DLGAP1: variants seen among roughly 807,000 people sequenced by gnomAD.
DLGAP1 encodes disks large-associated protein 1.
In DLGAP1, 11 loss-of-function variants were observed where a neutral mutation model predicts 90.8. The ratio of observed to expected loss-of-function variants is 0.12; its 90% CI spans 0.08 to 0.20. The LOEUF (loss-of-function observed/expected upper bound fraction) is 0.20. DLGAP1 is among the 10% of genes least tolerant of loss of function. The probability of loss-of-function intolerance (pLI) is 1.00; values close to 1 mark genes in which losing one functional copy is unlikely to be tolerated. For missense variants in DLGAP1, 1,050 were observed against 1,333.8 expected (o/e 0.79, Z 3.31); for synonymous variants, 558 against 540.7 (o/e 1.03, Z -0.44).
chr18:3,804,199 G>C (rs2066459410), intron 5 of DLGAP1, among the ~76,000 whole-genome samples: 1 of 151,990 alleles, frequency 6.6e-6, no homozygotes, highest in Non-Finnish European at 1.5e-5. Context: ...TGGTCAGGCT[G>C]GTCTTGAGCT....
At chr18:4,190,243 A>C (rs1457846481) in intron 1 of DLGAP1, among the ~76,000 whole-genome samples, 1 of 152,130 alleles carries the variant, frequency 6.6e-6, no homozygotes, top group Non-Finnish European at 1.5e-5. Context: ...ACATATTATG[A>C]AGTGGAAGAA....
chr18:3,991,188 A>C (rs570481568), intron 3 of DLGAP1, among the ~76,000 whole-genome samples: 1 of 152,172 alleles, frequency 6.6e-6, no homozygotes, highest in Non-Finnish European at 1.5e-5. Context: ...AAAACAAAAA[A>C]CAAAAGACCT....
chr18:3,585,223 G>A (rs192529328), intron 7 of DLGAP1, among the ~76,000 whole-genome samples: 1 of 152,346 alleles, frequency 6.6e-6, no homozygotes, highest in Non-Finnish European at 1.5e-5. Context: ...CCACAGCTAA[G>A]CCTCTGGCTA....
At chr18:3,995,317 G>A (rs2074046875) in intron 3 of DLGAP1, 1 of 152,038 alleles carries the variant, frequency 6.6e-6, no homozygotes. Context: ...GAAAATAGAA[G>A]GAATGGTGGA....
chr18:4,171,184 A>G (rs960038545), intron 1 of DLGAP1, among the ~76,000 whole-genome samples: 4 of 152,176 alleles, frequency 2.6e-5, no homozygotes, highest in African/African-American at 9.7e-5. Flanking sequence ...TCTTAAAATC[A>G]ATGTTAAATG....
At chr18:4,323,273 T>C (rs960735885) in intron 1 of DLGAP1, among the ~76,000 whole-genome samples, 3 of 152,078 alleles carry the variant, frequency 2.0e-5, no homozygotes, top group Non-Finnish European at 4.4e-5. Context: ...GGGTCTTATC[T>C]AAAAGACAAA....
chr18:4,069,391 G>A (rs1347296736), intron 2 of DLGAP1, among the ~76,000 whole-genome samples: 3 of 152,098 alleles, frequency 2.0e-5, no homozygotes, highest in African/African-American at 4.8e-5. Flanking sequence ...TGACTGATAC[G>A]GTTTGGATGT....
rs376062174 is a variant in DLGAP1 at position 3,844,176 on chromosome 18, AT to A, written c.958-29904del. On this transcript the variant is annotated intron_variant, in intron 4 of 12. Coordinates refer to ENST00000315677, the MANE Select transcript of DLGAP1 (RefSeq NM_004746.4). The stretch of plus-strand genomic sequence containing the variant: ...GAGGAACATTTTCTATTTCTCCAAT[AT>A]TTCCCACATGCTTTGGCTGTTTTTG... Among the ~76,000 whole-genome samples, 52 of 152,284 alleles carry A rather than the reference AT, an allele frequency of 3.4e-4. No individual in the cohort carries two copies. In the South Asian group the frequency reaches 0.01, roughly 30 times the overall value.
At chr18:3,587,683 C>A (rs754687028) in intron 7 of DLGAP1, among the ~76,000 whole-genome samples, 1 of 152,178 alleles carries the variant, frequency 6.6e-6, no homozygotes, top group Non-Finnish European at 1.5e-5. Flanking sequence ...TTTGGGTCCA[C>A]ACTACCTTTA....
intron 1 of DLGAP1, among the ~76,000 whole-genome samples, chr18:4,287,722 T>A (rs1370863872): frequency 6.6e-6 from 1 of 151,936 alleles, no homozygotes; most frequent in Non-Finnish European, 1.5e-5. Flanking sequence ...TTAGGACAAA[T>A]ACCTAATGCA....
intron 1 of DLGAP1, among the ~76,000 whole-genome samples, chr18:4,314,268 G>A (rs1162514398): frequency 6.6e-6 from 1 of 152,186 alleles, no homozygotes; most frequent in Non-Finnish European, 1.5e-5. Flanking sequence ...GAGGACACCA[G>A]CTGCTACTTC....
intron 1 of DLGAP1, among the ~76,000 whole-genome samples, chr18:4,243,650 C>T (rs1439491315): frequency 6.6e-6 from 1 of 152,210 alleles, no homozygotes; most frequent in Non-Finnish European, 1.5e-5. Flanking sequence ...GTGATATCCT[C>T]ATGTCCCATG....
chr18:4,003,467 A>G (rs1309992759), intron 3 of DLGAP1, among the ~76,000 whole-genome samples: 1 of 142,876 alleles, frequency 7.0e-6, no homozygotes, highest in East Asian at 2.0e-4. Context: ...AAGTTAACAG[A>G]TTTATCTTGA....
intron 1 of DLGAP1, among the ~76,000 whole-genome samples, chr18:4,171,076 T>A (rs1311763542): frequency 5.1e-5 from 7 of 136,988 alleles, no homozygotes; most frequent in African/African-American, 2.0e-4. Flanking sequence ...CAGTAATCAT[T>A]TTCTATATAG....
chr18:4,190,811 G>A (rs907880310), intron 1 of DLGAP1, among the ~76,000 whole-genome samples: 9 of 152,014 alleles, frequency 5.9e-5, no homozygotes, highest in Admixed American at 5.9e-4. Flanking sequence ...GTCCACATAA[G>A]TTCCAAGGAC....
intron 3 of DLGAP1, among the ~76,000 whole-genome samples, chr18:3,950,514 A>T (rs2072964929): frequency 6.6e-6 from 1 of 152,242 alleles, no homozygotes. Context: ...TCCTGAGGGC[A>T]AGGACTGTTT....
chr18:3,933,594 C>T (rs1468440109), intron 3 of DLGAP1, among the ~76,000 whole-genome samples: 1 of 152,214 alleles, frequency 6.6e-6, no homozygotes, highest in Non-Finnish European at 1.5e-5. Context: ...AGAAAAATAA[C>T]ACAGCAGCTT....
intron 3 of DLGAP1, among the ~76,000 whole-genome samples, chr18:3,903,495 T>C (rs1352260959): frequency 6.6e-6 from 1 of 152,252 alleles, no homozygotes; most frequent in African/African-American, 2.4e-5. Flanking sequence ...ACTAGCACAG[T>C]ATTCATGCTG....
At position 4,031,416 on chromosome 18, in the gene DLGAP1, A is replaced by C. The variant is rs1236243517; in HGVS notation, c.-158-26215T>G. ...ATACCATCAACTAAATTTGTAACTA[A>C]AATAATGGCCCCCTCATGAAAATCC... is the stretch of plus-strand genomic sequence containing the variant. On this transcript the variant is annotated intron_variant, in intron 2 of 12. Coordinates refer to ENST00000315677, the MANE Select transcript of DLGAP1 (RefSeq NM_004746.4). 2.0e-5 allele frequency among the ~76,000 whole-genome samples: 3 copies of C among 152,218 alleles called. No individual in the cohort carries two copies. In the East Asian group the frequency reaches 5.8e-4, roughly 29 times the overall value.
Sources: gnomAD v4.1 joint callset for allele counts (sites outside exome capture counted in the v4.1 genomes callset) on GRCh38, gnomAD v4.1.1 for gene constraint, MANE v1.5 for transcripts, NCBI Gene and HGNC (gene_info 2026-07-23, HGNC 2026-07-21) for gene names.